Variants in AGTRAP observed in about 807,000 individuals in gnomAD.
AGTRAP encodes angiotensin II receptor associated protein.
In AGTRAP, 7 loss-of-function variants were observed where a neutral mutation model predicts 15.2. The ratio of observed to expected loss-of-function variants is 0.46; its 90% confidence interval spans 0.26 to 0.87. The LOEUF is 0.87. Among genes scored for constraint, AGTRAP ranks in the 40% least tolerant of loss-of-function variants. The pLI is 0.15. For missense variants in AGTRAP, 187 were observed against 213.4 expected (o/e 0.88, Z 0.77); for synonymous variants, 74 against 89.6 (o/e 0.83, Z 0.98).
Position 11,747,530 on chromosome 1 carries a change from C to T in AGTRAP, c.153C>T (p.Ile51=), listed in dbSNP as rs1379153111. ...GGGCTGTGGCTCAGCGGGACTCCAT[C>T]GACGCCATAAGCATGGTGAGCCAGG... The part of the protein sequence containing the change: ...GVWAVAQRDS[I]DAISMFLGGL... The change falls in exon 3 of 5, where the codon ATC becomes ATT. Residue 51 remains isoleucine (I), a synonymous_variant. Transcript: ENST00000314340. The T allele has an allele frequency of 3.7e-6, 6 of 1,613,856 alleles. No homozygotes were observed. The highest frequency in any genetic ancestry group is 5.1e-6 in the Non-Finnish European group (6 of 1,179,982).
At chr1:11,739,299 C>G (rs1641970905) in intron 1 of AGTRAP, among the ~76,000 whole-genome samples, 1 of 152,170 alleles carries the variant, frequency 6.6e-6, no homozygotes. Context: ...ACCTGTAATC[C>G]TAGCACTTTG....
chr1:11,746,404 G>A (rs755234502), intron 2 of AGTRAP: 26 of 583,188 alleles, frequency 4.5e-5, no homozygotes, highest in Non-Finnish European at 7.6e-5. Flanking sequence ...TGAACCGAAT[G>A]GCACTCCACA....
In AGTRAP at chr1:11,750,262, C is replaced by T. The variant is rs1642286195; in HGVS notation, c.*70C>T. 2 of 1,262,446 alleles carry T rather than the reference C, an allele frequency of 1.6e-6. No individual in the cohort carries two copies. Among genetic ancestry groups the T allele is most frequent in the Non-Finnish European group, 2.3e-6 (2 of 883,282 alleles). 78.2% of individuals were successfully genotyped at this position (1,262,446 alleles called of 1,614,324 possible). A position where few individuals can be genotyped will look rare whatever the true frequency, so the allele number is the denominator to read the frequency against. ...CCTGGGAGGTCGTTCTAGGGATGCTCCTGACCTCCGTCTCTTGGACCTAAG... is the reference window on the plus strand; with the variant it reads ...CCTGGGAGGTCGTTCTAGGGATGCTTCTGACCTCCGTCTCTTGGACCTAAG... On this transcript the variant is annotated 3_prime_UTR_variant, in exon 5 of 5. Transcript: ENST00000314340.
chr1:11,747,991 C>T (rs1642210252), intron 3 of AGTRAP, among the ~76,000 whole-genome samples: 1 of 152,146 alleles, frequency 6.6e-6, no homozygotes, highest in Non-Finnish European at 1.5e-5. Flanking sequence ...CTTCTCAGCA[C>T]CCACGGAGCC....
At position 11,750,238 on chromosome 1, in the gene AGTRAP, C is replaced by T. The variant is rs1469542100; in HGVS notation, c.*46C>T. 3 of 1,502,638 alleles carry T rather than the reference C, an allele frequency of 2.0e-6. No homozygotes were observed. The highest frequency in any genetic ancestry group is 9.2e-7 in the Non-Finnish European group (1 of 1,088,884). 93.1% of individuals were successfully genotyped at this position (1,502,638 alleles called of 1,614,324 possible). A position where few individuals can be genotyped will look rare whatever the true frequency, so the allele number is the denominator to read the frequency against. On this transcript the variant is annotated 3_prime_UTR_variant, in exon 5 of 5. Transcript: ENST00000314340. ...GCCCTGCCCCGGGCCTTCCTCGTGC[C>T]TGGGAGGTCGTTCTAGGGATGCTCC...
Position 11,750,222 on chromosome 1 carries a change from CG to C in AGTRAP, c.*33del. On this transcript the variant is annotated 3_prime_UTR_variant, in exon 5 of 5. Coordinates refer to ENST00000314340, the MANE Select transcript of AGTRAP (RefSeq NM_020350.5). ...AGCCACGCTGCGCCCGGCCCTGCCC[CG>C]GGCCTTCCTCGTGCCTGGGAGGTCG... 1 of 1,580,052 alleles carries C rather than the reference CG, an allele frequency of 6.3e-7. No individual in the cohort carries two copies.
rs774421324 is a variant in AGTRAP at position 11,745,863 on chromosome 1, G to A, written c.62+26G>A. 6 of 1,613,978 alleles carry A rather than the reference G, an allele frequency of 3.7e-6. No homozygotes were observed. The highest frequency in any genetic ancestry group is 2.7e-5 in the African/African-American group (2 of 75,006). On this transcript the variant is annotated intron_variant, in intron 2 of 4. Coordinates refer to ENST00000314340, the MANE Select transcript of AGTRAP (RefSeq NM_020350.5). The surrounding 1 kb of genome is among the most constrained non-coding windows in gnomAD (Gnocchi z 4.2). The stretch of plus-strand genomic sequence containing the variant: ...GTAAGTGACTCTGTGGGTATCTTGT[G>A]TGTCTCCTGCGGTCTCAGGGTCTGT...
At chr1:11,746,127 C>G (rs1236513279) in intron 2 of AGTRAP, 1 of 1,613,150 alleles carries the variant, frequency 6.2e-7, no homozygotes, top group African/African-American at 1.3e-5. Context: ...ATCTGTTGAG[C>G]TTCTGGAGAC....
At position 11,745,917 on chromosome 1, in the gene AGTRAP, G is replaced by A. The variant is rs372615964; in HGVS notation, c.62+80G>A. On this transcript the variant is annotated intron_variant, in intron 2 of 4. Coordinates refer to ENST00000314340, the MANE Select transcript of AGTRAP (RefSeq NM_020350.5). The surrounding 1 kb of genome is among the most constrained non-coding windows in gnomAD (Gnocchi z 4.2). ...AGCCGGGTCAGGTCCTGGTTCTGCC[G>A]TGTTTTAACCAGGTCACTTTGGGCC... 79 of 1,575,512 alleles carry A rather than the reference G, an allele frequency of 5.0e-5. No homozygotes were observed. The East Asian group carries it at 1.1e-3, about 22-fold the overall frequency.
intron 4 of AGTRAP, among the ~76,000 whole-genome samples, chr1:11,749,314 A>G (rs1207742336): frequency 1.3e-5 from 2 of 151,526 alleles, no homozygotes; most frequent in Non-Finnish European, 2.9e-5. Context: ...TCTGCCTTTC[A>G]CTCCTGAGAT....
At position 11,750,469 on chromosome 1, in the gene AGTRAP, A is replaced by G; in HGVS notation, c.*277A>G. The G allele has an allele frequency of 3.4e-6, 2 of 594,144 alleles. No individual in the cohort carries two copies. The highest frequency in any genetic ancestry group is 5.9e-5 in the Admixed American group (2 of 33,906). The allele number at this position is 594,144 out of a possible 1,614,324, so 36.8% of individuals were successfully genotyped here. ...TTACCTCCTACCCCATGGTGGCACC[A>G]CAGAGGCCCTCAGCCGAGTCCTGCC... On this transcript the variant is annotated 3_prime_UTR_variant, in exon 5 of 5. Coordinates refer to ENST00000314340, the MANE Select transcript of AGTRAP (RefSeq NM_020350.5).
At chr1:11,739,703 G>A (rs1303068697) in intron 1 of AGTRAP, among the ~76,000 whole-genome samples, 3 of 152,228 alleles carry the variant, frequency 2.0e-5, no homozygotes, top group Non-Finnish European at 4.4e-5. Flanking sequence ...ACATGAGTTA[G>A]GGGCAGTGCA....
Position 11,745,898 on chromosome 1 carries a change from G to C in AGTRAP, c.62+61G>C, listed in dbSNP as rs1181978540. ...CGGTCTCAGGGTCTGTGTCAGCCGG[G>C]TCAGGTCCTGGTTCTGCCGTGTTTT... On this transcript the variant is annotated intron_variant, in intron 2 of 4. Transcript: ENST00000314340. The surrounding 1 kb of genome is among the most constrained non-coding windows in gnomAD (Gnocchi z 4.2). The C allele has an allele frequency of 7.5e-6, 12 of 1,602,296 alleles. No homozygotes were observed. In the Admixed American group the frequency reaches 1.8e-4, roughly 24 times the overall value.
In AGTRAP at chr1:11,750,603, C is replaced by T. The variant is rs1033432173; in HGVS notation, c.*411C>T. 2 of 433,902 alleles carry T rather than the reference C, an allele frequency of 4.6e-6. No homozygotes were observed. Among genetic ancestry groups the T allele is most frequent in the Non-Finnish European group, 8.4e-6 (2 of 238,592 alleles). The allele number at this position is 433,902 out of a possible 1,614,324, so 26.9% of individuals were successfully genotyped here. A position where few individuals can be genotyped will look rare whatever the true frequency, so the allele number is the denominator to read the frequency against. The stretch of plus-strand genomic sequence containing the variant: ...TGAGAGCTTCAGGTCCTGCTCAGCC[C>T]GAGGAGCAGTCTGGCATGGGAGTGA... On this transcript the variant is annotated 3_prime_UTR_variant, in exon 5 of 5. Transcript: ENST00000314340.
At chr1:11,737,261 G>T (rs1641923055) in intron 1 of AGTRAP, among the ~76,000 whole-genome samples, 1 of 152,210 alleles carries the variant, frequency 6.6e-6, no homozygotes, top group African/African-American at 2.4e-5. Context: ...CAAAGGTGGT[G>T]GGGAGACATG....
At chr1:11,744,334 TTTG>T (rs756988387) in intron 1 of AGTRAP, among the ~76,000 whole-genome samples, 8 of 151,870 alleles carry the variant, frequency 5.3e-5, no homozygotes, top group Non-Finnish European at 1.2e-4. Flanking sequence ...CCAGGGGGAT[TTTG>T]TTGTTGTTTT....
chr1:11,748,354 G>A, intron 3 of AGTRAP, 61 bp from the exon 4 acceptor site: 1 of 1,551,832 alleles, frequency 6.4e-7, no homozygotes, highest in South Asian at 1.2e-5. Flanking sequence ...TCCGGTGTGT[G>A]GCGGGGGAGC....
chr1:11,737,937 T>C (rs1255583209), intron 1 of AGTRAP, among the ~76,000 whole-genome samples: 4 of 152,110 alleles, frequency 2.6e-5, no homozygotes, highest in Non-Finnish European at 5.9e-5. Flanking sequence ...GGTTGTCAGG[T>C]CGTGTACAGG....
chr1:11,750,336 GC>G lies in AGTRAP; in HGVS notation c.*149del. ...GATTGCCTGAACCAAGAGGCCAGGA[GC>G]CCCCATGGGCCGCCCAGTACCATGC... On this transcript the variant is annotated 3_prime_UTR_variant, in exon 5 of 5. Transcript: ENST00000314340. The G allele has an allele frequency of 1.3e-6, 1 of 769,846 alleles. No individual in the cohort carries two copies. The highest frequency in any genetic ancestry group is 2.2e-6 in the Non-Finnish European group (1 of 449,200). 47.7% of individuals were successfully genotyped at this position (769,846 alleles called of 1,614,324 possible). A position where few individuals can be genotyped will look rare whatever the true frequency, so the allele number is the denominator to read the frequency against.
Sources: gnomAD v4.1 joint callset for allele counts (sites outside exome capture counted in the v4.1 genomes callset) on GRCh38, gnomAD v4.1.1 for gene constraint, Gnocchi (gnomAD v3.1) non-coding constraint, MANE v1.5 for transcripts, NCBI Gene and HGNC (gene_info 2026-07-23, HGNC 2026-07-21) for gene names.